The following NDC1 variants were observed in gnomAD, a reference collection of about 807,000 sequenced individuals.
The protein encoded by NDC1 is nucleoporin NDC1.
A neutral mutation model predicts 89.8 loss-of-function variants in NDC1; 24 were observed. The observed-to-expected ratio is 0.27, with a 90% confidence interval of 0.19 to 0.38. The LOEUF (loss-of-function observed/expected upper bound fraction) is 0.38. Among genes scored for constraint, NDC1 ranks in the 10% least tolerant of loss-of-function variants. The pLI, the probability that NDC1 is intolerant of heterozygous loss-of-function variation, is 1.00. For missense variants in NDC1, 728 were observed against 797.6 expected, an observed-to-expected ratio of 0.91 and a Z score of 1.05; for synonymous variants, 296 against 284.8, an observed-to-expected ratio of 1.04 and a Z score of -0.39.
intron 7 of NDC1, among the ~76,000 whole-genome samples, chr1:53,808,820 T>C (rs1218616305): frequency 1.3e-5 from 2 of 152,192 alleles, no homozygotes; most frequent in Non-Finnish European, 2.9e-5. Flanking sequence ...CAAAACTAAA[T>C]TTTGCCTAGA....
In NDC1 at chr1:53,832,484, ACT is replaced by A; in HGVS notation, c.280+4_280+5del. On this transcript the variant is annotated splice_donor_5th_base_variant and intron_variant, in intron 3 of 17. Coordinates refer to ENST00000371429, the MANE Select transcript of NDC1 (RefSeq NM_018087.5). ...TTTCTAAGAAGGTTAACATTTGAAA[ACT>A]CACCTGCATAGAACTCCACATTGAA... The A allele has an allele frequency of 6.9e-7, 1 of 1,449,536 alleles. No individual in the cohort carries two copies. The highest frequency in any genetic ancestry group is 2.3e-5 in the East Asian group (1 of 44,110). The allele number at this position is 1,449,536 out of a possible 1,614,324, so 89.8% of individuals were successfully genotyped here. A position where few individuals can be genotyped will look rare whatever the true frequency, so the allele number is the denominator to read the frequency against.
At chr1:53,783,366 G>C (rs1334727957) in intron 16 of NDC1, among the ~76,000 whole-genome samples, 1 of 152,138 alleles carries the variant, frequency 6.6e-6, no homozygotes, top group African/African-American at 2.4e-5. Flanking sequence ...TCATGATGTG[G>C]CTTAAGGGAA....
chr1:53,779,101 TA>T (rs1390723769), intron 16 of NDC1, among the ~76,000 whole-genome samples: 2 of 92,988 alleles, frequency 2.2e-5, no homozygotes, highest in African/African-American at 8.9e-5. Context: ...GTCTGGGTGA[TA>T]AAGCAAGACT....
intron 6 of NDC1, among the ~76,000 whole-genome samples, chr1:53,815,800 C>T (rs1648456156): frequency 6.6e-6 from 1 of 152,194 alleles, no homozygotes; most frequent in Non-Finnish European, 1.5e-5. Context: ...CTCTTCTATA[C>T]ACCAACAGTG....
At chr1:53,779,801 ATACT>A (rs1647189549) in intron 16 of NDC1, among the ~76,000 whole-genome samples, 2 of 152,180 alleles carry the variant, frequency 1.3e-5, no homozygotes, top group South Asian at 4.1e-4. Context: ...TTCTTTTGGA[ATACT>A]ATGCAAATGT....
intron 14 of NDC1, among the ~76,000 whole-genome samples, chr1:53,791,946 C>T (rs1361571917): frequency 2.1e-5 from 3 of 143,946 alleles, no homozygotes; most frequent in Non-Finnish European, 3.1e-5. Flanking sequence ...TCCCCTTCTT[C>T]TTTTTTTTTT....
intron 3 of NDC1, among the ~76,000 whole-genome samples, chr1:53,828,387 A>G (rs1170998257): frequency 6.6e-6 from 1 of 152,182 alleles, no homozygotes; most frequent in Non-Finnish European, 1.5e-5. Flanking sequence ...AAACCCAAAG[A>G]ATCTAGAGAT....
At chr1:53,779,035 T>C (rs1020201033) in intron 16 of NDC1, among the ~76,000 whole-genome samples, 3 of 141,822 alleles carry the variant, frequency 2.1e-5, no homozygotes, top group Non-Finnish European at 4.5e-5. Context: ...CCCAGCTACT[T>C]GGGAGGCTGA....
intron 16 of NDC1, among the ~76,000 whole-genome samples, chr1:53,782,383 C>A (rs1294021557): frequency 1.3e-5 from 2 of 152,170 alleles, no homozygotes; most frequent in Non-Finnish European, 2.9e-5. Context: ...GGTAATGGAA[C>A]TGCCACATGG....
At chr1:53,806,591 C>A in intron 8 of NDC1, 74 bp from the exon 9 acceptor site, 1 of 921,338 alleles carries the variant, frequency 1.1e-6, no homozygotes. Context: ...CAAATTAAAA[C>A]ATAAAGACAG....
rs749809313 is a variant in NDC1 at position 53,835,517 on chromosome 1, G to A, written c.161C>T (p.Pro54Leu). Residue 54 changes from proline to leucine, a missense_variant, in exon 2 of 18, where the codon CCT (proline) becomes CTT (leucine). Physicochemically the swap from Pro to Leu is moderately conservative, Grantham distance 98. Transcript: ENST00000371429. ...IIFSRIDLFH[P>L]IQWLSDSFSD... ...TCACCTACCAGACAGCCACTGTATA[G>A]GATGAAACAAATCAATCCTGCTGAA... is the stretch of plus-strand genomic sequence containing the variant. 2 of 1,613,332 alleles carry A rather than the reference G, an allele frequency of 1.2e-6. No individual in the cohort carries two copies. Among genetic ancestry groups the A allele is most frequent in the African/African-American group, 2.7e-5 (2 of 74,886 alleles).
At chr1:53,786,647 T>C (rs1320323327) in intron 16 of NDC1, among the ~76,000 whole-genome samples, 1 of 152,232 alleles carries the variant, frequency 6.6e-6, no homozygotes, top group Non-Finnish European at 1.5e-5. Context: ...TTTCTGTTTC[T>C]GTAAAATTTT....
intron 16 of NDC1, among the ~76,000 whole-genome samples, chr1:53,784,665 C>T (rs1364410316): frequency 6.6e-6 from 1 of 152,196 alleles, no homozygotes; most frequent in African/African-American, 2.4e-5. Flanking sequence ...GTGGCAGACA[C>T]CTGTAGTCCC....
intron 7 of NDC1, among the ~76,000 whole-genome samples, chr1:53,809,426 A>T (rs765873939): frequency 6.6e-6 from 1 of 152,110 alleles, no homozygotes; most frequent in South Asian, 2.1e-4. Flanking sequence ...ATTATAGCTC[A>T]CCGCATCCTT....
Position 53,797,073 on chromosome 1 carries a change from A to T in NDC1, c.1294T>A (p.Ser432Thr). 1 of 1,613,884 alleles carries T rather than the reference A, an allele frequency of 6.2e-7. No homozygotes were observed. The highest frequency in any genetic ancestry group is 8.5e-7 in the Non-Finnish European group (1 of 1,179,838). Residue 432 changes from serine (S) to threonine (T), a missense_variant, in exon 12 of 18, where the codon TCA becomes ACA. Physicochemically the swap from Ser to Thr is moderately conservative, Grantham distance 58 (BLOSUM62 1). Transcript: ENST00000371429. ...GTAGATAATTTTGAAGAAAACAGTG[A>T]TGTTTTAACTAATGGTGGCACTGAA... is the stretch of plus-strand genomic sequence containing the variant. Reference protein sequence around the residue: ...RPSVPPLVKTSLFSSKLSTPD... With the variant: ...RPSVPPLVKTTLFSSKLSTPD...
chr1:53,797,376 TC>T (rs1553148375), intron 11 of NDC1, among the ~76,000 whole-genome samples: 161 of 151,218 alleles, frequency 1.1e-3, no homozygotes, highest in Non-Finnish European at 1.9e-3. Context: ...TCTCTCTTTT[TC>T]CCCCCCCATG....
Position 53,797,104 on chromosome 1 carries a change from A to C in NDC1, c.1263T>G (p.Pro421=). The C allele has an allele frequency of 6.2e-7, 1 of 1,614,192 alleles. No homozygotes were observed. The highest frequency in any genetic ancestry group is 8.5e-7 in the Non-Finnish European group (1 of 1,179,996). ...AFQTPKSSQM[P]RPSVPPLVKT... ...TAACTAATGGTGGCACTGAAGGCCG[A>C]GGCATCTGGCTAGATTTTGGTGTCT... Residue 421 remains proline (P), a synonymous_variant, in exon 12 of 18, where the codon CCT becomes CCG. Coordinates refer to ENST00000371429, the MANE Select transcript of NDC1 (RefSeq NM_018087.5).
chr1:53,799,369 TGCTGATCTGAAA>T (rs1647831482), intron 11 of NDC1, among the ~76,000 whole-genome samples: 1 of 152,206 alleles, frequency 6.6e-6, no homozygotes, highest in Non-Finnish European at 1.5e-5. Flanking sequence ...AATAGAGGAA[TGCTGATCTGAAA>T]GCTGATAACA....
chr1:53,814,449 G>A (rs533691083), intron 6 of NDC1, among the ~76,000 whole-genome samples: 5 of 152,100 alleles, frequency 3.3e-5, no homozygotes, highest in East Asian at 3.9e-4. Flanking sequence ...CAGCAAAGGC[G>A]GTGCTAAGAG....
Sources: gnomAD v4.1 joint callset for allele counts (sites outside exome capture counted in the v4.1 genomes callset) on GRCh38, gnomAD v4.1.1 for gene constraint, MANE v1.5 for transcripts, NCBI Gene and HGNC (gene_info 2026-07-23, HGNC 2026-07-21) for gene names.